ETV1: variants seen among roughly 807,000 people sequenced by gnomAD.
ETV1 encodes ETS variant transcription factor 1.
ETV1 carries 27 observed loss-of-function variants against 62.3 expected under a neutral mutation model. That is an observed-to-expected ratio of 0.43 (90% confidence interval 0.32 to 0.60). ETV1 has a LOEUF of 0.60. ETV1 is among the 20% of genes least tolerant of loss of function. ETV1 has a pLI of 0.06. For synonymous variants in ETV1, 222 were observed against 199.6 expected (o/e 1.11, Z -0.94); for missense variants, 605 against 605.8 (o/e 1.00, Z 0.01).
intron 7 of ETV1, among the ~76,000 whole-genome samples, chr7:13,937,140 T>C (rs902855945): frequency 1.3e-5 from 2 of 152,234 alleles, no homozygotes; most frequent in African/African-American, 4.8e-5. Context: ...TAATAATTTA[T>C]TCTGTTGCTC....
At chr7:13,987,582 A>G (rs1035834289) in intron 4 of ETV1, among the ~76,000 whole-genome samples, 1 of 152,192 alleles carries the variant, frequency 6.6e-6, no homozygotes, top group Non-Finnish European at 1.5e-5. Context: ...TCGATAAACA[A>G]GGTATTATGA....
At chr7:13,897,358 G>A (rs1781956330) in intron 13 of ETV1, among the ~76,000 whole-genome samples, 1 of 152,144 alleles carries the variant, frequency 6.6e-6, no homozygotes, top group Non-Finnish European at 1.5e-5. Flanking sequence ...ATCTTTGAGG[G>A]AAAAGTAACA....
intron 12 of ETV1, 142 bp from the exon 13 acceptor site, chr7:13,900,981 C>T: frequency 1.9e-6 from 1 of 513,884 alleles, no homozygotes; most frequent in Non-Finnish European, 3.3e-6. Context: ...CTATCGTAAT[C>T]TGGATTTCCT....
chr7:13,939,094 A>T (rs754036219), intron 7 of ETV1, 23 bp downstream of exon 7: 2 of 1,605,298 alleles, frequency 1.2e-6, no homozygotes, highest in African/African-American at 1.3e-5. Context: ...ACTATCCTAC[A>T]TACATACACC....
chr7:13,971,589 C>T (rs1244573691), intron 6 of ETV1, among the ~76,000 whole-genome samples: 1 of 152,138 alleles, frequency 6.6e-6, no homozygotes, highest in African/African-American at 2.4e-5. Context: ...AGTAGAGTTA[C>T]AAGGATCTAT....
intron 12 of ETV1, among the ~76,000 whole-genome samples, chr7:13,903,074 C>T (rs1037281800): frequency 3.3e-5 from 5 of 152,162 alleles, no homozygotes; most frequent in African/African-American, 1.2e-4. Flanking sequence ...GTTCATTCAG[C>T]CTTCACATAC....
rs1301021932 is a variant in ETV1 at position 13,931,717 on chromosome 7, G to C, written c.587C>G (p.Ser196Cys). Residue 196 changes from serine (S) to cysteine (C), a missense_variant, in exon 9 of 14, where the codon TCC becomes TGC. Ser to Cys is a moderately radical substitution (Grantham distance 112, BLOSUM62 -1). Transcript: ENST00000430479. ...TGGCATCGTCGGCAAAGGAGGAAAG[G>C]AGTTACAGGGTTCAGAAAGCTGGCG... The part of the protein sequence containing the change: ...FRRQLSEPCN[S>C]FPPLPTMPRE... The C allele has an allele frequency of 2.5e-6, 4 of 1,613,992 alleles. No homozygotes were observed. Among genetic ancestry groups the C allele is most frequent in the Non-Finnish European group, 3.4e-6 (4 of 1,179,882 alleles).
At chr7:13,944,209 T>C (rs1280020227) in intron 6 of ETV1, among the ~76,000 whole-genome samples, 1 of 152,216 alleles carries the variant, frequency 6.6e-6, no homozygotes, top group Non-Finnish European at 1.5e-5. Flanking sequence ...AAAGGGCATG[T>C]CTTAGTCTGT....
chr7:13,925,014 A>C (rs1037372396), intron 9 of ETV1, among the ~76,000 whole-genome samples: 2 of 152,216 alleles, frequency 1.3e-5, no homozygotes, highest in African/African-American at 2.4e-5. Context: ...TTAAAAATGC[A>C]AAAACCGTTT....
At chr7:13,914,458 C>G (rs994594707) in intron 9 of ETV1, among the ~76,000 whole-genome samples, 1 of 151,682 alleles carries the variant, frequency 6.6e-6, no homozygotes, top group Non-Finnish European at 1.5e-5. Context: ...TGTAAAAATT[C>G]AAAGCAACAA....
intron 3 of ETV1, chr7:13,988,694 T>A: frequency 1.9e-6 from 3 of 1,611,622 alleles, no homozygotes; most frequent in South Asian, 1.1e-5. Context: ...TTCTTTTCAA[T>A]GTGGCAGACA....
chr7:13,900,851 C>A lies in ETV1; in HGVS notation c.1111-12G>T. The A allele has an allele frequency of 6.4e-7, 1 of 1,563,216 alleles. No homozygotes were observed. The highest frequency in any genetic ancestry group is 8.8e-7 in the Non-Finnish European group (1 of 1,141,718). ...CAACGTCGGGCCACCTGCCGCGAAA[C>A]AGAATTACATTGTAGTGTTAAGTAT... On this transcript the variant is annotated splice_polypyrimidine_tract_variant and intron_variant, in intron 12 of 13. Coordinates refer to ENST00000430479, the MANE Select transcript of ETV1 (RefSeq NM_004956.5).
intron 5 of ETV1, among the ~76,000 whole-genome samples, chr7:13,981,248 G>A (rs1322593667): frequency 4.6e-5 from 7 of 152,052 alleles, no homozygotes; most frequent in Admixed American, 3.3e-4. Flanking sequence ...CTTTCTGCCC[G>A]TGAATGAGAC....
In ETV1 at chr7:13,895,391, T is replaced by C. The variant is rs1288711341; in HGVS notation, c.*475A>G. On this transcript the variant is annotated 3_prime_UTR_variant, in exon 14 of 14. Coordinates refer to ENST00000430479, the MANE Select transcript of ETV1 (RefSeq NM_004956.5). ...CTGCCATTTACAGTAGATTGGGGTT[T>C]TTTTGTACACCTGCAGAGACTCATA... is the stretch of plus-strand genomic sequence containing the variant. 1 of 235,520 alleles carries C rather than the reference T, an allele frequency of 4.2e-6. No individual in the cohort carries two copies. Among genetic ancestry groups the C allele is most frequent in the African/African-American group, 2.2e-5 (1 of 45,384 alleles). 14.6% of individuals were successfully genotyped at this position (235,520 alleles called of 1,614,324 possible).
At position 13,913,417 on chromosome 7, in the gene ETV1, T is replaced by C. The variant is rs574102157; in HGVS notation, c.803-2110A>G. 2.0e-5 allele frequency among the ~76,000 whole-genome samples: 3 copies of C among 152,320 alleles called. No homozygotes were observed. In the South Asian group the frequency reaches 6.2e-4, roughly 32 times the overall value. ...ATTGCATGGGAGTATGACATTTTGT[T>C]GTTATTTAACATCTCTAACTCCCAA... On this transcript the variant is annotated intron_variant, in intron 9 of 13. Coordinates refer to ENST00000430479, the MANE Select transcript of ETV1 (RefSeq NM_004956.5).
intron 9 of ETV1, among the ~76,000 whole-genome samples, chr7:13,930,575 C>T (rs1785982972): frequency 6.6e-6 from 1 of 152,012 alleles, no homozygotes; most frequent in Non-Finnish European, 1.5e-5. Flanking sequence ...CCCACCTCGG[C>T]CTCCCAAAGT....
At chr7:13,943,536 G>A (rs1787801800) in intron 6 of ETV1, among the ~76,000 whole-genome samples, 2 of 152,132 alleles carry the variant, frequency 1.3e-5, no homozygotes, top group Admixed American at 1.3e-4. Flanking sequence ...AGAAAAAAGG[G>A]TGCATATGTT....
chr7:13,966,568 G>T (rs1780309706), intron 6 of ETV1, among the ~76,000 whole-genome samples: 1 of 152,040 alleles, frequency 6.6e-6, no homozygotes, highest in South Asian at 2.1e-4. Context: ...GGTCACTTGA[G>T]CCCAGGAGAC....
intron 11 of ETV1, among the ~76,000 whole-genome samples, chr7:13,907,016 G>A (rs564898356): frequency 4.6e-5 from 7 of 151,960 alleles, no homozygotes; most frequent in Non-Finnish European, 1.0e-4. Context: ...TAAGCTCTGG[G>A]CATTTGATTC....
Sources: gnomAD v4.1 joint callset for allele counts (sites outside exome capture counted in the v4.1 genomes callset) on GRCh38, gnomAD v4.1.1 for gene constraint, MANE v1.5 for transcripts, NCBI Gene and HGNC (gene_info 2026-07-23, HGNC 2026-07-21) for gene names.